The following LOXHD1 variants were observed in gnomAD, a reference collection of about 807,000 sequenced individuals.
LOXHD1 encodes the protein lipoxygenase homology PLAT domains 1.
LOXHD1 carries 205 observed loss-of-function variants against 248.2 expected under a neutral mutation model. The observed-to-expected ratio is 0.83, with a 90% CI of 0.74 to 0.93. LOXHD1 has a LOEUF of 0.93. Among genes scored for constraint, LOXHD1 ranks in the 40% least tolerant of loss-of-function variants. LOXHD1 has a pLI of 0.00. For synonymous variants in LOXHD1, 1,113 were observed against 1,162.8 expected, an observed-to-expected ratio of 0.96 and a Z score of 0.87; for missense variants, 2,930 against 2,971.6, an observed-to-expected ratio of 0.99 and a Z score of 0.33.
chr18:46,537,386 C>T (rs1004760273), intron 26 of LOXHD1, among the ~76,000 whole-genome samples: 2 of 152,156 alleles, frequency 1.3e-5, no homozygotes, highest in Non-Finnish European at 2.9e-5. Flanking sequence ...GTGGGTTAGC[C>T]TATGACAGTG....
chr18:46,479,780 A>AC (rs1190831751), intron 40 of LOXHD1, among the ~76,000 whole-genome samples: 7 of 151,860 alleles, frequency 4.6e-5, no homozygotes, highest in African/African-American at 1.7e-4. Flanking sequence ...AAAAAAACAA[A>AC]AAAAAAAACA....
chr18:46,496,219 C>T (rs1225441519), intron 37 of LOXHD1, among the ~76,000 whole-genome samples: 1 of 152,204 alleles, frequency 6.6e-6, no homozygotes, highest in Non-Finnish European at 1.5e-5. Flanking sequence ...TTGTGAATCA[C>T]TAATTCATAA....
At chr18:46,506,270 G>T (rs2034566370) in intron 36 of LOXHD1, among the ~76,000 whole-genome samples, 1 of 152,288 alleles carries the variant, frequency 6.6e-6, no homozygotes, top group East Asian at 1.9e-4. Context: ...CAGCAAGTGT[G>T]AATGGTTTAG....
intron 34 of LOXHD1, among the ~76,000 whole-genome samples, chr18:46,515,251 T>C (rs1215242617): frequency 6.6e-6 from 1 of 152,206 alleles, no homozygotes; most frequent in African/African-American, 2.4e-5. Flanking sequence ...CCTTGCACAA[T>C]AGCAAGCTGT....
At chr18:46,549,468 G>C (rs1489292521) in intron 21 of LOXHD1, among the ~76,000 whole-genome samples, 1 of 152,190 alleles carries the variant, frequency 6.6e-6, no homozygotes, top group Non-Finnish European at 1.5e-5. Context: ...TGGCAGAGTG[G>C]TGTAATGACA....
intron 18 of LOXHD1, among the ~76,000 whole-genome samples, chr18:46,562,145 C>T (rs949359909): frequency 2.6e-5 from 4 of 152,222 alleles, no homozygotes; most frequent in East Asian, 1.9e-4. Flanking sequence ...AGCTAAAATA[C>T]TTGGTCCTCT....
At chr18:46,622,539 G>A (rs2038682827) in intron 4 of LOXHD1, among the ~76,000 whole-genome samples, 1 of 152,188 alleles carries the variant, frequency 6.6e-6, no homozygotes, top group African/African-American at 2.4e-5. Flanking sequence ...TAGGCAGGGG[G>A]TGGTGGGTAG....
intron 5 of LOXHD1, among the ~76,000 whole-genome samples, chr18:46,611,148 C>T (rs575986206): frequency 2.2e-4 from 33 of 152,262 alleles, no homozygotes; most frequent in African/African-American, 7.2e-4. Flanking sequence ...TGATTTCTGC[C>T]TTACTCTAGA....
chr18:46,631,116 C>A (rs955587739), intron 4 of LOXHD1, among the ~76,000 whole-genome samples: 1 of 152,134 alleles, frequency 6.6e-6, no homozygotes, highest in Non-Finnish European at 1.5e-5. Context: ...ATACAAGCCC[C>A]TAAGTCCCAG....
chr18:46,499,227 G>C (rs112376396), intron 37 of LOXHD1, among the ~76,000 whole-genome samples: 8,672 of 152,280 alleles, frequency 0.057, 340 homozygotes, highest in Non-Finnish European at 0.08. Context: ...GGAGCACAGA[G>C]TAGGGAGCAT....
intron 23 of LOXHD1, among the ~76,000 whole-genome samples, chr18:46,544,172 T>C (rs766999825): frequency 6.6e-6 from 1 of 152,204 alleles, no homozygotes; most frequent in African/African-American, 2.4e-5. Flanking sequence ...GGTTTAAGTA[T>C]ACAGAGAGAT....
At chr18:46,491,439 G>A (rs546021181) in intron 37 of LOXHD1, among the ~76,000 whole-genome samples, 2 of 152,318 alleles carry the variant, frequency 1.3e-5, no homozygotes, top group East Asian at 1.9e-4. Flanking sequence ...GCTCCCAGGC[G>A]AGGTCAACGC....
intron 37 of LOXHD1, among the ~76,000 whole-genome samples, chr18:46,492,428 G>A (rs1598836155): frequency 6.6e-6 from 1 of 152,232 alleles, no homozygotes; most frequent in South Asian, 2.1e-4. Flanking sequence ...TGGCAGGAGA[G>A]AGAATGATTG....
At chr18:46,487,570 G>A (rs141699735) in intron 38 of LOXHD1, among the ~76,000 whole-genome samples, 73 of 152,322 alleles carry the variant, frequency 4.8e-4, no homozygotes, top group African/African-American at 1.6e-3. Flanking sequence ...GGATGGAGCT[G>A]AGAGTCCTGG....
At position 46,594,357 on chromosome 18, in the gene LOXHD1, A is replaced by C. The variant is rs529972175; in HGVS notation, c.1244T>G (p.Val415Gly). ...GLIERQLYEM[V>G]SLRKKRLKKF... ...TTTCAGCCGCTTCTTCCTGAGAGAC[A>C]CCATCTCATAGAGCTGCCTCTCAAT... The change falls in exon 9 of 41, where the codon GTG (valine) becomes GGG (glycine). Residue 415 changes from valine to glycine, a missense_variant. Val to Gly is a moderately radical substitution (Grantham distance 109). Transcript: ENST00000642948. The C allele has an allele frequency of 2.3e-4, 361 of 1,551,612 alleles. 2 individuals are homozygous for C. The African/African-American group carries it at 4.8e-3, about 20-fold the overall frequency.
intron 29 of LOXHD1, 137 bp downstream of exon 29, chr18:46,529,040 A>T: frequency 9.4e-7 from 1 of 1,063,036 alleles, no homozygotes; most frequent in East Asian, 2.6e-5. Flanking sequence ...AGGGAAGGGC[A>T]AGGGCAGAGG....
At chr18:46,577,606 A>C in intron 14 of LOXHD1, 101 bp downstream of exon 14, 1 of 1,351,664 alleles carries the variant, frequency 7.4e-7, no homozygotes, top group East Asian at 2.5e-5. Flanking sequence ...GCCTTAAGCC[A>C]CTGTTTTGCT....
intron 7 of LOXHD1, among the ~76,000 whole-genome samples, chr18:46,602,862 G>A (rs111732220): frequency 1.8e-4 from 27 of 152,172 alleles, no homozygotes; most frequent in African/African-American, 4.6e-4. Flanking sequence ...TACTTTCATC[G>A]TTTAGGATAT....
intron 5 of LOXHD1, among the ~76,000 whole-genome samples, chr18:46,614,667 A>G (rs1248797143): frequency 6.6e-6 from 1 of 152,170 alleles, no homozygotes; most frequent in Non-Finnish European, 1.5e-5. Context: ...ATGTATACAT[A>G]GGTAACAAAC....
Sources: gnomAD v4.1 joint callset for allele counts (sites outside exome capture counted in the v4.1 genomes callset) on GRCh38, gnomAD v4.1.1 for gene constraint, MANE v1.5 for transcripts, NCBI Gene and HGNC (gene_info 2026-07-23, HGNC 2026-07-21) for gene names.